Variants in SLC25A44 observed in about 807,000 individuals in gnomAD.
SLC25A44 encodes solute carrier family 25 member 44, also known as solute carrier family 25, member 44.
SLC25A44 carries 17 observed loss-of-function variants against 29.9 expected under a neutral mutation model. The ratio of observed to expected loss-of-function variants is 0.57; its 90% CI spans 0.39 to 0.85. The LOEUF is 0.85. Ranked by LOEUF, SLC25A44 falls within the 40% of genes least tolerant of loss-of-function variation. SLC25A44 has a pLI of 0.00. For synonymous variants in SLC25A44, 140 were observed against 151.8 expected, an observed-to-expected ratio of 0.92 and a Z score of 0.57; for missense variants, 302 against 398.4, an observed-to-expected ratio of 0.76 and a Z score of 2.06.
rs778988963 is a variant in SLC25A44, at chr1:156,208,025, C to T, written c.753+12C>T. On this transcript the variant is annotated intron_variant, in intron 3 of 3. Transcript: ENST00000359511. ...GAACCCGTGTGCAGGTAAGACTGAC[C>T]ACTTCCCTCACCCTCCTCCTGGAGA... 6 of 1,612,696 alleles carry T rather than the reference C, an allele frequency of 3.7e-6. No homozygotes were observed. In the Admixed American group the frequency reaches 5.0e-5, roughly 13 times the overall value.
intron 2 of SLC25A44, among the ~76,000 whole-genome samples, chr1:156,205,321 C>T (rs1253597296): frequency 1.3e-5 from 2 of 151,624 alleles, no homozygotes; most frequent in African/African-American, 2.4e-5. Flanking sequence ...GGATTACAGG[C>T]GTGAGCCACC....
chr1:156,204,265 C>T (rs1233944156), intron 2 of SLC25A44, among the ~76,000 whole-genome samples: 1 of 152,012 alleles, frequency 6.6e-6, no homozygotes, highest in Non-Finnish European at 1.5e-5. Flanking sequence ...CCTCGGCCTC[C>T]CAAAGTGCTG....
chr1:156,202,591 G>A (rs1656655643), intron 2 of SLC25A44, among the ~76,000 whole-genome samples: 1 of 152,102 alleles, frequency 6.6e-6, no homozygotes, highest in Admixed American at 6.5e-5. Context: ...CTTACCTTAA[G>A]TGCTCCTTAT....
intron 1 of SLC25A44, chr1:156,197,367 A>G (rs1394136603): frequency 6.6e-6 from 1 of 152,050 alleles, no homozygotes; most frequent in Non-Finnish European, 1.5e-5. Context: ...CACAGCCTAG[A>G]TTTTCCAATC....
intron 2 of SLC25A44, among the ~76,000 whole-genome samples, chr1:156,205,198 CA>C (rs1355179219): frequency 6.6e-6 from 1 of 152,172 alleles, no homozygotes; most frequent in Non-Finnish European, 1.5e-5. Flanking sequence ...CATGCGCCAT[CA>C]CACCTGGCTA....
At position 156,200,398 on chromosome 1, in the gene SLC25A44, G is replaced by A. The variant is rs143567883; in HGVS notation, c.551G>A (p.Arg184Gln). Reference sequence around the variant, plus strand: ...GCTGATGGACTTCGCGGCTTCTATCGAGGCTATGTGGCTTCACTGCTTACC... The same window carrying A: ...GCTGATGGACTTCGCGGCTTCTATCAAGGCTATGTGGCTTCACTGCTTACC... ...LQADGLRGFYRGYVASLLTYI... is the reference protein window; with the variant it reads ...LQADGLRGFYQGYVASLLTYI... Residue 184 changes from arginine (R) to glutamine (Q), a missense_variant, in exon 2 of 4, where the codon CGA becomes CAA. By Grantham distance (43) the Arg-to-Gln change is conservative. Transcript: ENST00000359511. 3.7e-6 allele frequency: 6 copies of A among 1,613,944 alleles called. No homozygotes were observed. In the East Asian group the frequency reaches 8.9e-5, roughly 24 times the overall value.
At chr1:156,202,715 T>C (rs1284247305) in intron 2 of SLC25A44, among the ~76,000 whole-genome samples, 1 of 152,230 alleles carries the variant, frequency 6.6e-6, no homozygotes, top group African/African-American at 2.4e-5. Context: ...TGCTTTGATG[T>C]TATTTGTGTG....
chr1:156,211,641 T>C lies in SLC25A44; in HGVS notation c.*1210T>C, dbSNP rs1323787995. 1.3e-5 allele frequency: 2 copies of C among 152,642 alleles called. No homozygotes were observed. Among genetic ancestry groups the C allele is most frequent in the Non-Finnish European group, 2.9e-5 (2 of 68,064 alleles). The allele number at this position is 152,642 out of a possible 1,614,324, so 9.5% of individuals were successfully genotyped here. A position where few individuals can be genotyped will look rare whatever the true frequency, so the allele number is the denominator to read the frequency against. ...AGAACATAAAGAGCAGTTCAGAAAG[T>C]CACCCAATACCAGGACCACTGCATT... On this transcript the variant is annotated 3_prime_UTR_variant, in exon 4 of 4. Transcript: ENST00000359511.
Position 156,207,935 on chromosome 1 carries a change from AGCTGTCTCGGGGCCCCTG to A in SLC25A44, c.680_697del (p.Val227_Ala232del), listed in dbSNP as rs1657058400. On this transcript the variant is annotated inframe_deletion, in exon 3 of 4. Transcript: ENST00000359511. ...AGGAGTGCCCTCACATTGTCTTTCA[AGCTGTCTCGGGGCCCCTG>A]GCTGCAGCCACTGCCTCCATCCTCA... The A allele has an allele frequency of 6.2e-7, 1 of 1,613,968 alleles. No homozygotes were observed.
Position 156,207,951 on chromosome 1 carries a change from C to T in SLC25A44, c.691C>T (p.Leu231=), listed in dbSNP as rs1243050343. 6.2e-7 allele frequency: 1 copy of T among 1,614,154 alleles called. No homozygotes were observed. The highest frequency in any genetic ancestry group is 8.5e-7 in the Non-Finnish European group (1 of 1,180,006). ...HIVFQAVSGP[L]AAATASILTN... ...TGTCTTTCAAGCTGTCTCGGGGCCC[C>T]TGGCTGCAGCCACTGCCTCCATCCT... Residue 231 remains leucine (L), a synonymous_variant, in exon 3 of 4, where the codon CTG becomes TTG. Transcript: ENST00000359511.
chr1:156,205,739 C>T (rs895504285), intron 2 of SLC25A44, among the ~76,000 whole-genome samples: 1 of 152,246 alleles, frequency 6.6e-6, no homozygotes, highest in Non-Finnish European at 1.5e-5. Context: ...TACCTGCTGA[C>T]ATAGCTGTGT....
At chr1:156,209,121 A>G (rs1023668758) in intron 3 of SLC25A44, among the ~76,000 whole-genome samples, 6 of 152,168 alleles carry the variant, frequency 3.9e-5, no homozygotes, top group African/African-American at 1.2e-4. Flanking sequence ...CCTAGGAAAG[A>G]ATGCCCCCTC....
At chr1:156,195,536 C>T (rs1202227544) in intron 1 of SLC25A44, among the ~76,000 whole-genome samples, 3 of 152,174 alleles carry the variant, frequency 2.0e-5, no homozygotes, top group Non-Finnish European at 2.9e-5. Context: ...GCGGCAGTAC[C>T]GGGAGCCGAG....
At chr1:156,202,144 C>T (rs1248935990) in intron 2 of SLC25A44, among the ~76,000 whole-genome samples, 2 of 152,158 alleles carry the variant, frequency 1.3e-5, no homozygotes, top group East Asian at 1.9e-4. Flanking sequence ...TCTTTCTTGT[C>T]CCCATGTCTA....
chr1:156,210,296 G>A lies in SLC25A44; in HGVS notation c.810G>A (p.Gly270=), dbSNP rs1339438118. 3 of 1,604,644 alleles carry A rather than the reference G, an allele frequency of 1.9e-6. No individual in the cohort carries two copies. In the East Asian group the frequency reaches 6.8e-5, roughly 36 times the overall value. The change falls in exon 4 of 4, where the codon GGG becomes GGA. Residue 270 remains glycine (G), a synonymous_variant. Transcript: ENST00000359511. ...TCAGACAGCTGATGGCAGAAGAAGG[G>A]CCTTGGGGCCTCATGAAGGGCCTCT... ...LTFRQLMAEE[G]PWGLMKGLSA...
intron 1 of SLC25A44, chr1:156,197,573 A>G (rs1656292203): frequency 6.6e-6 from 1 of 152,084 alleles, no homozygotes; most frequent in Non-Finnish European, 1.5e-5. Flanking sequence ...CCTGGCTAAC[A>G]TGGTGAAACC....
chr1:156,195,826 C>T (rs1265276197), intron 1 of SLC25A44, among the ~76,000 whole-genome samples: 1 of 152,220 alleles, frequency 6.6e-6, no homozygotes, highest in Non-Finnish European at 1.5e-5. Flanking sequence ...ATCCCAGAAC[C>T]TAGTGAATAG....
rs767774855 is a variant in SLC25A44, at chr1:156,199,899, A to G, written c.52A>G (p.Lys18Glu). 1 of 1,614,184 alleles carries G rather than the reference A, an allele frequency of 6.2e-7. No homozygotes were observed. Among genetic ancestry groups the G allele is most frequent in the South Asian group, 1.1e-5 (1 of 91,088 alleles). The change falls in exon 2 of 4, where the codon AAG (lysine) becomes GAG (glutamate). Residue 18 changes from lysine (K) to glutamate (E), a missense_variant. Coordinates refer to ENST00000359511, the MANE Select transcript of SLC25A44 (RefSeq NM_014655.4). ...CATCGAGTGGGAACACCTGGACAAG[A>G]AGAAGTTCTACGTGTTTGGTGTGGC... is the stretch of plus-strand genomic sequence containing the variant. ...QIIEWEHLDK[K>E]KFYVFGVAMT...
chr1:156,205,345 G>GA (rs1440247556), intron 2 of SLC25A44, among the ~76,000 whole-genome samples: 2 of 152,198 alleles, frequency 1.3e-5, no homozygotes, highest in Non-Finnish European at 1.5e-5. Context: ...CCTGGCCGAG[G>GA]AAAAAATTCT....
Sources: gnomAD v4.1 joint callset for allele counts (sites outside exome capture counted in the v4.1 genomes callset) on GRCh38, gnomAD v4.1.1 for gene constraint, MANE v1.5 for transcripts, NCBI Gene and HGNC (gene_info 2026-07-23, HGNC 2026-07-21) for gene names.